Variants in NDST3 observed in about 807,000 individuals in gnomAD.
The protein encoded by NDST3 is N-deacetylase and N-sulfotransferase 3, also known as bifunctional heparan sulfate N-deacetylase/N-sulfotransferase 3.
In NDST3, 58 loss-of-function variants were observed where a neutral mutation model predicts 96.1. The ratio of observed to expected loss-of-function variants is 0.60; its 90% confidence interval spans 0.49 to 0.75. The LOEUF (loss-of-function observed/expected upper bound fraction) is 0.75, where lower values mean the gene tolerates loss of function less well. Among genes scored for constraint, NDST3 ranks in the 30% least tolerant of loss-of-function variants. The pLI is 0.00. For synonymous variants in NDST3, 333 were observed against 359.7 expected (o/e 0.93, Z 0.84); for missense variants, 788 against 1,034.2 (o/e 0.76, Z 3.27).
chr4:118,236,000 A>G (rs1436594897), intron 9 of NDST3, among the ~76,000 whole-genome samples: 1 of 151,852 alleles, frequency 6.6e-6, no homozygotes, highest in African/African-American at 2.4e-5. Context: ...TGAACATCTC[A>G]TGTGATCTTT....
At chr4:118,191,896 C>T (rs1467722101) in intron 6 of NDST3, among the ~76,000 whole-genome samples, 1 of 152,062 alleles carries the variant, frequency 6.6e-6, no homozygotes, top group Non-Finnish European at 1.5e-5. Context: ...ATTTACATTC[C>T]CACCAATAAT....
At chr4:118,137,952 G>T in intron 4 of NDST3, 102 bp from the exon 5 acceptor site, 2 of 940,046 alleles carry the variant, frequency 2.1e-6, no homozygotes. Flanking sequence ...AAGTAATGAT[G>T]CATTTAAATA....
Position 118,240,613 on chromosome 4 carries a change from A to T in NDST3, c.2208A>T (p.Arg736Ser). The T allele has an allele frequency of 6.2e-7, 1 of 1,613,928 alleles. No individual in the cohort carries two copies. The highest frequency in any genetic ancestry group is 8.5e-7 in the Non-Finnish European group (1 of 1,179,934). Reference sequence around the variant, plus strand: ...GGCCCCGTGCACCCTCGGAGCTCAGAGCCTTGCAGAAGAGATGTTTGGTCC... The same window carrying T: ...GGCCCCGTGCACCCTCGGAGCTCAGTGCCTTGCAGAAGAGATGTTTGGTCC... ...SAGPRAPSEL[R>S]ALQKRCLVPG... The change falls in exon 11 of 14, where the codon AGA (arginine) becomes AGT (serine). Residue 736 changes from arginine (R) to serine (S), a missense_variant. By Grantham distance (110) the Arg-to-Ser change is moderately radical (BLOSUM62 -1). Coordinates refer to ENST00000296499, the MANE Select transcript of NDST3 (RefSeq NM_004784.3).
chr4:118,122,566 C>A (rs1309198682), intron 4 of NDST3, among the ~76,000 whole-genome samples: 1 of 152,236 alleles, frequency 6.6e-6, no homozygotes, highest in Middle Eastern at 3.4e-3. Flanking sequence ...TTTCAGCCCA[C>A]ACCTAGATTA....
chr4:118,168,195 T>C (rs1481293787), intron 6 of NDST3, among the ~76,000 whole-genome samples: 1 of 151,744 alleles, frequency 6.6e-6, no homozygotes, highest in African/African-American at 2.4e-5. Context: ...ATTCAAAATA[T>C]AAAAGGAACT....
At chr4:118,147,493 C>CTTTAGATACTTATATAAAATA (rs1336534472) in intron 6 of NDST3, among the ~76,000 whole-genome samples, 2 of 152,162 alleles carry the variant, frequency 1.3e-5, no homozygotes, top group African/African-American at 4.8e-5. Flanking sequence ...ATTCTATTTA[C>CTTTAGATACTTATATAAAATA]TTTAGATACT....
chr4:118,188,656 G>T (rs977768129), intron 6 of NDST3, among the ~76,000 whole-genome samples: 3 of 152,064 alleles, frequency 2.0e-5, no homozygotes, highest in African/African-American at 7.2e-5. Flanking sequence ...TGTCTTGCTT[G>T]GGTTAGCAGT....
intron 6 of NDST3, among the ~76,000 whole-genome samples, chr4:118,161,970 C>T (rs148477146): frequency 0.011 from 1,692 of 152,270 alleles, 34 homozygotes; most frequent in African/African-American, 0.036. Flanking sequence ...GCATCGCTCA[C>T]GCTGGGAGCT....
intron 6 of NDST3, among the ~76,000 whole-genome samples, chr4:118,192,006 T>C (rs916685782): frequency 3.3e-5 from 5 of 152,254 alleles, no homozygotes; most frequent in Non-Finnish European, 7.3e-5. Flanking sequence ...TATCTCACTG[T>C]AGTTTTGATT....
chr4:118,136,059 G>A (rs755296402), intron 4 of NDST3, among the ~76,000 whole-genome samples: 3 of 152,040 alleles, frequency 2.0e-5, no homozygotes, highest in African/African-American at 4.8e-5. Context: ...CTGACTACTC[G>A]CCGTTATTGA....
At chr4:118,249,236 T>G (rs547742123) in intron 12 of NDST3, among the ~76,000 whole-genome samples, 1 of 152,352 alleles carries the variant, frequency 6.6e-6, no homozygotes, top group Admixed American at 6.5e-5. Flanking sequence ...AGTTACGTTA[T>G]CTACAGCAAG....
chr4:118,210,799 G>C (rs1462246812), intron 6 of NDST3, among the ~76,000 whole-genome samples: 1 of 151,724 alleles, frequency 6.6e-6, no homozygotes, highest in Non-Finnish European at 1.5e-5. Context: ...AAAAAGCGGG[G>C]GGACCCTGCT....
At chr4:118,102,712 T>C (rs1729863676) in intron 2 of NDST3, among the ~76,000 whole-genome samples, 1 of 152,016 alleles carries the variant, frequency 6.6e-6, no homozygotes. Flanking sequence ...TTTTAAAAGG[T>C]GGGAATAATG....
chr4:118,194,825 C>A, intron 6 of NDST3: 1 of 351,274 alleles, frequency 2.8e-6, no homozygotes, highest in Non-Finnish European at 5.2e-6. Flanking sequence ...GGGGTGCTAC[C>A]TTCAGGGTGT....
chr4:118,231,341 AAATAAAT>A (rs1409431758), intron 8 of NDST3, among the ~76,000 whole-genome samples: 3 of 137,670 alleles, frequency 2.2e-5, no homozygotes, highest in African/African-American at 2.6e-5. Flanking sequence ...ATCTAAAAAA[AAATAAAT>A]AAATAATAAT....
At chr4:118,117,799 C>T (rs1169302558) in intron 4 of NDST3, among the ~76,000 whole-genome samples, 2 of 152,134 alleles carry the variant, frequency 1.3e-5, no homozygotes, top group East Asian at 1.9e-4. Flanking sequence ...TGCCCCCTGC[C>T]GAGGCTTCCT....
chr4:118,212,530 G>A (rs1311956978), intron 6 of NDST3, among the ~76,000 whole-genome samples: 2 of 152,034 alleles, frequency 1.3e-5, no homozygotes, highest in African/African-American at 4.8e-5. Context: ...GCAAAGCAAG[G>A]CCTTGTTTTT....
At chr4:118,164,475 T>C (rs1735411890) in intron 6 of NDST3, among the ~76,000 whole-genome samples, 2 of 152,052 alleles carry the variant, frequency 1.3e-5, no homozygotes. Context: ...AAGCTGCACG[T>C]GTAACCCTGA....
At chr4:118,214,639 A>G (rs1739077461) in intron 6 of NDST3, among the ~76,000 whole-genome samples, 1 of 152,184 alleles carries the variant, frequency 6.6e-6, no homozygotes, top group African/African-American at 2.4e-5. Flanking sequence ...GGAAGGAGGA[A>G]GACCAGTTAG....
Sources: gnomAD v4.1 joint callset for allele counts (sites outside exome capture counted in the v4.1 genomes callset) on GRCh38, gnomAD v4.1.1 for gene constraint, MANE v1.5 for transcripts, NCBI Gene and HGNC (gene_info 2026-07-23, HGNC 2026-07-21) for gene names.